ZBTB25: variants seen among roughly 807,000 people sequenced by gnomAD.
The protein encoded by ZBTB25 is zinc finger and BTB domain containing 25.
In ZBTB25, 20 loss-of-function variants were observed where a neutral mutation model predicts 34.2. The ratio of observed to expected loss-of-function variants is 0.58; its 90% CI spans 0.41 to 0.85. ZBTB25 has a LOEUF of 0.85. ZBTB25 is among the 40% of genes least tolerant of loss of function. The pLI, the probability that ZBTB25 is intolerant of heterozygous loss-of-function variation, is 0.00. For missense variants in ZBTB25, 437 were observed against 521.8 expected (o/e 0.84, Z 1.58); for synonymous variants, 175 against 186.4 (o/e 0.94, Z 0.50).
chr14:64,477,070 T>C (rs1408350508), downstream of ZBTB25, among the ~76,000 whole-genome samples: 3 of 152,264 alleles, frequency 2.0e-5, no homozygotes, highest in Non-Finnish European at 4.4e-5. Flanking sequence ...TAAATCTTAT[T>C]CTGATTTCTA....
downstream of ZBTB25, chr14:64,474,099 C>T (rs777011574): frequency 4.2e-5 from 7 of 167,056 alleles, no homozygotes; most frequent in Admixed American, 1.3e-4. Flanking sequence ...ACAACAGAAA[C>T]CGGGTTGGGT....
chr14:64,453,180 ATATG>A (rs1276500747), intron 2 of ZBTB25, among the ~76,000 whole-genome samples: 1 of 152,118 alleles, frequency 6.6e-6, no homozygotes, highest in Admixed American at 6.5e-5. Context: ...ATCTATATAT[ATATG>A]TATGTGTGTA....
chr14:64,469,902 A>G (rs2078650243), intron 2 of ZBTB25: 6 of 411,664 alleles, frequency 1.5e-5, no homozygotes, highest in Non-Finnish European at 2.7e-5. Flanking sequence ...ATTGCAGTGT[A>G]AAATGACATA....
chr14:64,468,680 A>C lies in ZBTB25; in HGVS notation c.174-19042T>G, dbSNP rs748640939. On this transcript the variant is annotated intron_variant, in intron 2 of 2. Coordinates refer to the ZBTB25 transcript ENST00000555220. Reference sequence around the variant, plus strand: ...ACGCAGGAAAAGGTCAGAGTCTTCAAAGCAGCAAAAGCCATTGGAGGGTGA... The same window carrying C: ...ACGCAGGAAAAGGTCAGAGTCTTCACAGCAGCAAAAGCCATTGGAGGGTGA... The C allele has an allele frequency of 7.4e-6, 12 of 1,613,984 alleles. No individual in the cohort carries two copies. The Middle Eastern group carries it at 9.9e-4, about 133-fold the overall frequency.
At chr14:64,455,456 A>G (rs561258608) in intron 2 of ZBTB25, among the ~76,000 whole-genome samples, 58 of 152,204 alleles carry the variant, frequency 3.8e-4, no homozygotes, top group Non-Finnish European at 7.8e-4. Context: ...TGCATATTCA[A>G]AGAAGAATAT....
At position 64,482,216 on chromosome 14, in the gene ZBTB25, G is replaced by C. The variant is rs1240633801; in HGVS notation, c.*4707C>G. The C allele has an allele frequency of 6.6e-6, 1 of 152,194 alleles. No individual in the cohort carries two copies. Among genetic ancestry groups the C allele is most frequent in the Non-Finnish European group, 1.5e-5 (1 of 68,050 alleles). 9.4% of individuals were successfully genotyped at this position (152,194 alleles called of 1,614,324 possible). ...ACCTGTAATCCCAGCACTTTGGGAG[G>C]CTGAGATAGGCAGATCACAAGGTCA... On this transcript the variant is annotated 3_prime_UTR_variant, in exon 3 of 3. Coordinates refer to ENST00000608382, the MANE Select transcript of ZBTB25 (RefSeq NM_006977.5).
At chr14:64,469,257 C>T (rs1404337811) in intron 2 of ZBTB25, 2 of 1,613,648 alleles carry the variant, frequency 1.2e-6, no homozygotes, top group East Asian at 2.2e-5. Flanking sequence ...CTAGAAAGTG[C>T]ACCAAATGGA....
intron 1 of ZBTB25, chr14:64,503,211 GA>G (rs2079555280): frequency 1.0e-6 from 1 of 985,340 alleles, no homozygotes; most frequent in South Asian, 4.7e-5. Context: ...TCTTGCCCTA[GA>G]AACGAGGTAA....
Position 64,481,458 on chromosome 14 carries a change from T to C in ZBTB25, c.*5465A>G, listed in dbSNP as rs2141014634. On this transcript the variant is annotated 3_prime_UTR_variant, in exon 3 of 3. Transcript: ENST00000608382. ...TCTCCTGTATTAGCTATGTGTTACA[T>C]GTACTTTGAAGATTTTTCAGTGGGT... is the stretch of plus-strand genomic sequence containing the variant. The C allele has an allele frequency of 6.6e-6, 1 of 152,382 alleles. No individual in the cohort carries two copies. The highest frequency in any genetic ancestry group is 6.5e-5 in the Admixed American group (1 of 15,310). The allele number at this position is 152,382 out of a possible 1,614,324, so 9.4% of individuals were successfully genotyped here. A position where few individuals can be genotyped will look rare whatever the true frequency, so the allele number is the denominator to read the frequency against.
chr14:64,469,139 C>T, intron 2 of ZBTB25: 1 of 1,614,054 alleles, frequency 6.2e-7, no homozygotes, highest in Non-Finnish European at 8.5e-7. Flanking sequence ...GCAAGCAAGC[C>T]CACTTGAAAC....
chr14:64,454,334 A>G (rs1393381212), intron 2 of ZBTB25, among the ~76,000 whole-genome samples: 2 of 151,940 alleles, frequency 1.3e-5, no homozygotes, highest in Non-Finnish European at 2.9e-5. Flanking sequence ...GCTGGTCTTG[A>G]ACTCCTGGGC....
At chr14:64,462,744 G>A (rs1336280906) in intron 2 of ZBTB25, 1 of 152,198 alleles carries the variant, frequency 6.6e-6, no homozygotes, top group East Asian at 1.9e-4. Flanking sequence ...TTGAGTTTGT[G>A]TTGGCTCTGT....
intron 2 of ZBTB25, among the ~76,000 whole-genome samples, chr14:64,464,891 A>G (rs1170976117): frequency 2.0e-5 from 3 of 152,160 alleles, no homozygotes; most frequent in Non-Finnish European, 4.4e-5. Context: ...TTCTGCACCA[A>G]TCACCTCCAC....
chr14:64,503,289 A>G, intron 1 of ZBTB25: 1 of 985,410 alleles, frequency 1.0e-6, no homozygotes, highest in Non-Finnish European at 1.2e-6. Flanking sequence ...GCCCGCTCGT[A>G]AGAGGGGTCG....
At chr14:64,456,186 G>T (rs1044027095) in intron 2 of ZBTB25, among the ~76,000 whole-genome samples, 1 of 150,688 alleles carries the variant, frequency 6.6e-6, no homozygotes, top group Non-Finnish European at 1.5e-5. Flanking sequence ...CAGGCTGTAA[G>T]GTGGAGAGAG....
At chr14:64,460,173 TTC>T in intron 2 of ZBTB25, 1 of 438,938 alleles carries the variant, frequency 2.3e-6, no homozygotes, top group Non-Finnish European at 4.1e-6. Flanking sequence ...GCTTGTGTAT[TTC>T]TGAGAGGACA....
At chr14:64,503,484 G>C in intron 1 of ZBTB25, 177 bp downstream of exon 1, 12 of 985,386 alleles carry the variant, frequency 1.2e-5, no homozygotes, top group Non-Finnish European at 1.4e-5. Flanking sequence ...GCTCACTCGC[G>C]GATGTATTTT....
At chr14:64,502,640 T>C in intron 1 of ZBTB25, 1 of 985,330 alleles carries the variant, frequency 1.0e-6, no homozygotes, top group Non-Finnish European at 1.2e-6. Flanking sequence ...TCAAGCCAAG[T>C]ATATATAATG....
In ZBTB25 at chr14:64,486,407, T is replaced by C. The variant is rs759024128; in HGVS notation, c.*516A>G. ...AAATAAAACTACTCATGATTTGGTA[T>C]ATCTTAAAATAAATTTTTATACATT... On this transcript the variant is annotated 3_prime_UTR_variant, in exon 3 of 3. Transcript: ENST00000608382. 1 of 983,952 alleles carries C rather than the reference T, an allele frequency of 1.0e-6. No homozygotes were observed. Among genetic ancestry groups the C allele is most frequent in the Non-Finnish European group, 1.2e-6 (1 of 828,664 alleles). The allele number at this position is 983,952 out of a possible 1,614,324, so 61.0% of individuals were successfully genotyped here. A position where few individuals can be genotyped will look rare whatever the true frequency, so the allele number is the denominator to read the frequency against.
Sources: allele counts gnomAD v4.1 joint callset (sites outside exome capture counted in the v4.1 genomes callset), GRCh38; gene constraint gnomAD v4.1.1; transcripts MANE v1.5; gene names NCBI Gene and HGNC (gene_info 2026-07-23, HGNC 2026-07-21).